The following FAM135B variants were observed in gnomAD, a reference collection of about 807,000 sequenced individuals.
FAM135B encodes family with sequence similarity 135 member B, also known as protein FAM135B.
A neutral mutation model predicts 127.7 loss-of-function variants in FAM135B; 43 were observed. The ratio of observed to expected loss-of-function variants is 0.34; its 90% CI spans 0.26 to 0.43. FAM135B has a LOEUF of 0.43. Among genes scored for constraint, FAM135B ranks in the 20% least tolerant of loss-of-function variants. The pLI, the probability that FAM135B is intolerant of heterozygous loss-of-function variation, is 1.00. For synonymous variants in FAM135B, 670 were observed against 665.1 expected, an observed-to-expected ratio of 1.01 and a Z score of -0.11; for missense variants, 1,558 against 1,725.6, an observed-to-expected ratio of 0.90 and a Z score of 1.72.
intron 7 of FAM135B, among the ~76,000 whole-genome samples, chr8:138,226,264 A>G (rs534355150): frequency 4.0e-4 from 61 of 151,520 alleles, no homozygotes; most frequent in African/African-American, 1.4e-3. Flanking sequence ...ATGGTAGGTC[A>G]TGGAGACACC....
At chr8:138,273,736 C>A (rs939845902) in intron 3 of FAM135B, among the ~76,000 whole-genome samples, 2 of 152,188 alleles carry the variant, frequency 1.3e-5, no homozygotes, top group African/African-American at 4.8e-5. Flanking sequence ...GTTCTTCCAG[C>A]TCTTGCAGCT....
chr8:138,336,108 T>C (rs1370732878), intron 2 of FAM135B, among the ~76,000 whole-genome samples: 6 of 151,378 alleles, frequency 4.0e-5, no homozygotes, highest in Non-Finnish European at 8.8e-5. Context: ...TTCAAAGCAG[T>C]GTGTAGAGGG....
intron 1 of FAM135B, among the ~76,000 whole-genome samples, chr8:138,420,227 T>G (rs1834413118): frequency 6.6e-6 from 1 of 151,824 alleles, no homozygotes. Flanking sequence ...AACACCTCTA[T>G]GCATGCAAAC....
At chr8:138,237,534 A>G (rs1310752199) in intron 7 of FAM135B, among the ~76,000 whole-genome samples, 1 of 152,148 alleles carries the variant, frequency 6.6e-6, no homozygotes, top group African/African-American at 2.4e-5. Flanking sequence ...TTATGTCTCA[A>G]CCTTGCCAGT....
intron 2 of FAM135B, among the ~76,000 whole-genome samples, chr8:138,312,782 G>A (rs1587053770): frequency 6.6e-6 from 1 of 152,180 alleles, no homozygotes; most frequent in Non-Finnish European, 1.5e-5. Context: ...CAGGGAGCCA[G>A]GCTTCCATCC....
chr8:138,251,219 C>A (rs1821676137), intron 5 of FAM135B, among the ~76,000 whole-genome samples: 1 of 152,220 alleles, frequency 6.6e-6, no homozygotes, highest in Non-Finnish European at 1.5e-5. Flanking sequence ...CACTAGATAT[C>A]ACACAGCTGC....
At chr8:138,327,663 A>G (rs1827886345) in intron 2 of FAM135B, among the ~76,000 whole-genome samples, 3 of 152,194 alleles carry the variant, frequency 2.0e-5, no homozygotes, top group African/African-American at 7.2e-5. Context: ...AGGCACCAAA[A>G]CAGTGGCTGA....
At chr8:138,140,959 A>G (rs1024449694) in intron 17 of FAM135B, among the ~76,000 whole-genome samples, 5 of 152,044 alleles carry the variant, frequency 3.3e-5, no homozygotes, top group Admixed American at 3.3e-4. Flanking sequence ...CCCCAGAGAC[A>G]TTGCCTTTTT....
chr8:138,342,739 A>G (rs1364067800), intron 2 of FAM135B, among the ~76,000 whole-genome samples: 2 of 152,210 alleles, frequency 1.3e-5, no homozygotes, highest in Admixed American at 6.5e-5. Flanking sequence ...TGTACAACCG[A>G]GTTCAGATAT....
rs575530939 is a variant in FAM135B, at chr8:138,250,745, C to G, written c.542+96G>C. 3 of 1,349,198 alleles carry G rather than the reference C, an allele frequency of 2.2e-6. No individual in the cohort carries two copies. The South Asian group carries it at 4.0e-5, about 18-fold the overall frequency. The allele number at this position is 1,349,198 out of a possible 1,614,324, so 83.6% of individuals were successfully genotyped here. ...CTGCAGCCTTAGAGAAACTCCCTTG[C>G]GTGTGCTGATCTCTCCTGGAAAACT... On this transcript the variant is annotated intron_variant, in intron 6 of 19. Transcript: ENST00000395297.
chr8:138,145,574 G>A (rs183491520), intron 15 of FAM135B, among the ~76,000 whole-genome samples: 2 of 152,266 alleles, frequency 1.3e-5, no homozygotes, highest in South Asian at 2.1e-4. Flanking sequence ...TTCTCTCTCC[G>A]TCAACATCTA....
rs1816248930 is a variant in FAM135B, at chr8:138,131,912, G to C, written c.*681C>G. 1 of 152,692 alleles carries C rather than the reference G, an allele frequency of 6.5e-6. No homozygotes were observed. Among genetic ancestry groups the C allele is most frequent in the Admixed American group, 6.5e-5 (1 of 15,280 alleles). 9.5% of individuals were successfully genotyped at this position (152,692 alleles called of 1,614,324 possible). A position where few individuals can be genotyped will look rare whatever the true frequency, so the allele number is the denominator to read the frequency against. On this transcript the variant is annotated 3_prime_UTR_variant, in exon 20 of 20. Coordinates refer to ENST00000395297, the MANE Select transcript of FAM135B (RefSeq NM_015912.4). Reference sequence around the variant, plus strand: ...GGAGCAACTATTCATAGTTCAGTATGTCCCTAGAGTCATGTTTCTTTGTAA... The same window carrying C: ...GGAGCAACTATTCATAGTTCAGTATCTCCCTAGAGTCATGTTTCTTTGTAA...
At chr8:138,210,723 C>G (rs544586686) in intron 7 of FAM135B, among the ~76,000 whole-genome samples, 2 of 152,194 alleles carry the variant, frequency 1.3e-5, no homozygotes, top group Admixed American at 1.3e-4. Context: ...AATTATAATT[C>G]GACATGAGAT....
At chr8:138,266,696 T>C (rs912778931) in intron 3 of FAM135B, among the ~76,000 whole-genome samples, 2 of 146,826 alleles carry the variant, frequency 1.4e-5, no homozygotes, top group African/African-American at 5.0e-5. Flanking sequence ...AGGGTTATTG[T>C]GGGGGAACAA....
chr8:138,439,169 T>G (rs1835623796), intron 1 of FAM135B: 1 of 152,130 alleles, frequency 6.6e-6, no homozygotes, highest in African/African-American at 2.4e-5. Flanking sequence ...GTTTCTGGTG[T>G]GTATATACCT....
intron 9 of FAM135B, among the ~76,000 whole-genome samples, chr8:138,186,395 T>A (rs1815577269): frequency 1.3e-5 from 2 of 152,182 alleles, no homozygotes; most frequent in South Asian, 4.1e-4. Flanking sequence ...TGCAGAGCTC[T>A]ATGTCTTCAA....
At chr8:138,210,752 T>G (rs1361663378) in intron 7 of FAM135B, among the ~76,000 whole-genome samples, 2 of 151,960 alleles carry the variant, frequency 1.3e-5, no homozygotes, top group East Asian at 3.9e-4. Context: ...AGACACAGAG[T>G]CAAACGATAT....
At chr8:138,294,977 T>C (rs1037479986) in intron 3 of FAM135B, among the ~76,000 whole-genome samples, 3 of 152,180 alleles carry the variant, frequency 2.0e-5, no homozygotes, top group African/African-American at 7.2e-5. Flanking sequence ...AGTCAAATAC[T>C]TCAAGGCAAT....
At chr8:138,465,159 A>T (rs967983750) in intron 1 of FAM135B, among the ~76,000 whole-genome samples, 6 of 152,126 alleles carry the variant, frequency 3.9e-5, no homozygotes, top group Non-Finnish European at 8.8e-5. Context: ...CTGGGACCTG[A>T]TTTAGGTAGT....
Sources: allele counts gnomAD v4.1 joint callset (sites outside exome capture counted in the v4.1 genomes callset), GRCh38; gene constraint gnomAD v4.1.1; transcripts MANE v1.5; gene names NCBI Gene and HGNC (gene_info 2026-07-23, HGNC 2026-07-21).